The following DAAM1 variants were observed in gnomAD, a reference collection of about 807,000 sequenced individuals.
DAAM1 encodes the protein dishevelled associated activator of morphogenesis 1.
In DAAM1, 52 loss-of-function variants were observed where a neutral mutation model predicts 130.0. The observed-to-expected ratio is 0.40, with a 90% confidence interval of 0.32 to 0.50. DAAM1 has a LOEUF of 0.50. Among genes scored for constraint, DAAM1 ranks in the 20% least tolerant of loss-of-function variants. DAAM1 has a pLI of 0.61. For synonymous variants in DAAM1, 452 were observed against 444.5 expected (o/e 1.02, Z -0.21); for missense variants, 1,134 against 1,303.8 (o/e 0.87, Z 2.01).
intron 16 of DAAM1, among the ~76,000 whole-genome samples, chr14:59,345,613 G>C (rs1365573724): frequency 6.6e-6 from 1 of 152,152 alleles, no homozygotes; most frequent in Admixed American, 6.5e-5. Context: ...AGGCATCCTT[G>C]GTGGGGTGCC....
At chr14:59,337,273 G>A (rs10873114) in intron 15 of DAAM1, among the ~76,000 whole-genome samples, 2 of 152,090 alleles carry the variant, frequency 1.3e-5, no homozygotes, top group Non-Finnish European at 2.9e-5. Context: ...CAACTTGGCA[G>A]TTATAACAGA....
At chr14:59,249,943 T>C (rs1338718527) in intron 1 of DAAM1, among the ~76,000 whole-genome samples, 1 of 152,196 alleles carries the variant, frequency 6.6e-6, no homozygotes, top group East Asian at 1.9e-4. Context: ...AAATATAAAC[T>C]TTAAATATAT....
chr14:59,222,658 G>GAAT (rs1345610831), intron 1 of DAAM1, among the ~76,000 whole-genome samples: 1 of 152,212 alleles, frequency 6.6e-6, no homozygotes, highest in Non-Finnish European at 1.5e-5. Flanking sequence ...GGCATCCATA[G>GAAT]AATAGGTCAT....
chr14:59,282,205 A>G (rs966489955), intron 2 of DAAM1, among the ~76,000 whole-genome samples: 1 of 151,742 alleles, frequency 6.6e-6, no homozygotes, highest in African/African-American at 2.4e-5. Context: ...TCCGTAAAAA[A>G]CCCTCATTGC....
At chr14:59,210,060 T>A (rs1888381042) in intron 1 of DAAM1, among the ~76,000 whole-genome samples, 1 of 152,102 alleles carries the variant, frequency 6.6e-6, no homozygotes, top group African/African-American at 2.4e-5. Context: ...GAGGATTGCT[T>A]GCGCCCAGGA....
chr14:59,264,096 T>C, intron 2 of DAAM1: 1 of 201,832 alleles, frequency 5.0e-6, no homozygotes, highest in Non-Finnish European at 1.0e-5. Flanking sequence ...AAATTAGTCA[T>C]ACTTTCCATC....
chr14:59,254,180 C>A (rs961639829), intron 1 of DAAM1, among the ~76,000 whole-genome samples: 1 of 152,114 alleles, frequency 6.6e-6, no homozygotes, highest in Non-Finnish European at 1.5e-5. Context: ...CTTTAGGGGT[C>A]ATTACACCTG....
At chr14:59,219,142 T>A (rs144600419) in intron 1 of DAAM1, among the ~76,000 whole-genome samples, 107 of 152,314 alleles carry the variant, frequency 7.0e-4, no homozygotes, top group African/African-American at 2.1e-3. Flanking sequence ...TGGCATTTGG[T>A]GGTGATGGTG....
intron 12 of DAAM1, among the ~76,000 whole-genome samples, chr14:59,327,967 A>G (rs1211957730): frequency 6.6e-6 from 1 of 152,180 alleles, no homozygotes; most frequent in African/African-American, 2.4e-5. Context: ...AATATTAACA[A>G]ATTGAAGTTG....
At chr14:59,326,128 C>G in intron 10 of DAAM1, 51 bp downstream of exon 10, 5 of 1,541,342 alleles carry the variant, frequency 3.2e-6, no homozygotes, top group Non-Finnish European at 4.5e-6. Context: ...TGGACATTGT[C>G]CTAATGGGTT....
chr14:59,363,419 T>G, intron 22 of DAAM1: 1 of 457,762 alleles, frequency 2.2e-6, no homozygotes, highest in Non-Finnish European at 3.9e-6. Flanking sequence ...GATCAAGTAC[T>G]TAGATTGTTG....
rs1340049121 is a variant in DAAM1 at position 59,217,585 on chromosome 14, T to G, written c.-38+28817T>G. Reference sequence around the variant, plus strand: ...GGCATGGTGGCTCATGCCTGTAATCTCAGCACTTTGGGAGGCCGAGGAAGG... The same window carrying G: ...GGCATGGTGGCTCATGCCTGTAATCGCAGCACTTTGGGAGGCCGAGGAAGG... On this transcript the variant is annotated intron_variant, in intron 1 of 24. Coordinates refer to ENST00000360909, the MANE Select transcript of DAAM1 (RefSeq NM_001270520.2). Among the ~76,000 whole-genome samples the G allele has an allele frequency of 3.3e-5, 5 of 152,030 alleles. No individual in the cohort carries two copies. The South Asian group carries it at 8.3e-4, about 25-fold the overall frequency.
At chr14:59,267,861 C>T in intron 2 of DAAM1, among the ~76,000 whole-genome samples, 1 of 149,872 alleles carries the variant, frequency 6.7e-6, no homozygotes, top group African/African-American at 2.5e-5. Flanking sequence ...ATTCCTTTTT[C>T]TTGCCTAATA....
chr14:59,330,694 G>C lies in DAAM1; in HGVS notation c.1560+6G>C. ...AGCTCCATGAGCTCAGCAGGGTGAG[G>C]TCTTCCGCTCAGCTCACGGGCAGCT... On this transcript the variant is annotated splice_donor_region_variant and intron_variant, in intron 13 of 24. Coordinates refer to ENST00000360909, the MANE Select transcript of DAAM1 (RefSeq NM_001270520.2). The C allele has an allele frequency of 6.2e-7, 1 of 1,604,010 alleles. No homozygotes were observed. Among genetic ancestry groups the C allele is most frequent in the East Asian group, 2.2e-5 (1 of 44,710 alleles).
chr14:59,220,938 T>C (rs1246313781), intron 1 of DAAM1, among the ~76,000 whole-genome samples: 2 of 152,204 alleles, frequency 1.3e-5, no homozygotes, highest in Non-Finnish European at 2.9e-5. Flanking sequence ...GCTAATCTCT[T>C]CTAGAAACAC....
intron 20 of DAAM1, among the ~76,000 whole-genome samples, chr14:59,355,597 G>A (rs1207586342): frequency 6.6e-6 from 1 of 152,078 alleles, no homozygotes; most frequent in Non-Finnish European, 1.5e-5. Context: ...AAGTTTTGCT[G>A]TTGTTTTTGT....
chr14:59,193,305 G>A (rs759082649), intron 1 of DAAM1, among the ~76,000 whole-genome samples: 5 of 152,136 alleles, frequency 3.3e-5, no homozygotes, highest in Admixed American at 2.6e-4. Context: ...AGAGACCAGC[G>A]TTGAAGTGTG....
chr14:59,207,496 A>G (rs1296018729), intron 1 of DAAM1, among the ~76,000 whole-genome samples: 1 of 152,242 alleles, frequency 6.6e-6, no homozygotes, highest in Non-Finnish European at 1.5e-5. Context: ...AGAATTAAGA[A>G]GCTTTAAAAC....
intron 11 of DAAM1, 69 bp from the exon 12 acceptor site, chr14:59,326,864 G>A: frequency 6.3e-7 from 1 of 1,591,104 alleles, no homozygotes; most frequent in East Asian, 2.2e-5. Flanking sequence ...TTTTGTACCT[G>A]GGGAGAATGC....
Sources: gnomAD v4.1 joint callset for allele counts (sites outside exome capture counted in the v4.1 genomes callset) on GRCh38, gnomAD v4.1.1 for gene constraint, MANE v1.5 for transcripts, NCBI Gene and HGNC (gene_info 2026-07-23, HGNC 2026-07-21) for gene names.